The following TG variants were observed in gnomAD, a reference collection of about 807,000 sequenced individuals.
TG encodes thyroglobulin, also known as thyroid hormones.
TG carries 270 observed loss-of-function variants against 324.7 expected under a neutral mutation model. That is an observed-to-expected ratio of 0.83 (90% CI 0.75 to 0.92). The LOEUF is 0.92. TG is among the 40% of genes least tolerant of loss of function. The probability of loss-of-function intolerance (pLI) is 0.00; values close to 1 mark genes in which losing one functional copy is unlikely to be tolerated. For missense variants in TG, 3,591 were observed against 3,456.4 expected (o/e 1.04, Z -0.98); for synonymous variants, 1,401 against 1,327.0 (o/e 1.06, Z -1.21).
At chr8:133,126,212 C>T (rs1329680583) in intron 45 of TG, among the ~76,000 whole-genome samples, 1 of 152,186 alleles carries the variant, frequency 6.6e-6, no homozygotes, top group African/African-American at 2.4e-5. Context: ...TGCCTTTGAA[C>T]TTCTTGCAAA....
At chr8:132,919,119 C>T (rs1820775459) in intron 20 of TG, among the ~76,000 whole-genome samples, 1 of 152,048 alleles carries the variant, frequency 6.6e-6, no homozygotes, top group African/African-American at 2.4e-5. Context: ...TTATTTTACC[C>T]CTATTTGAAA....
At chr8:133,074,379 G>A (rs1844548046) in intron 41 of TG, among the ~76,000 whole-genome samples, 1 of 152,122 alleles carries the variant, frequency 6.6e-6, no homozygotes, top group Non-Finnish European at 1.5e-5. Context: ...CTGAGCACCT[G>A]CTGTATGCTG....
chr8:132,984,739 C>T (rs1370881977), intron 35 of TG, among the ~76,000 whole-genome samples: 5 of 151,962 alleles, frequency 3.3e-5, no homozygotes, highest in African/African-American at 9.7e-5. Flanking sequence ...ATCAGGAGTT[C>T]GAGACCAGCC....
intron 34 of TG, among the ~76,000 whole-genome samples, chr8:132,973,495 A>G (rs901280158): frequency 7.9e-5 from 12 of 152,190 alleles, no homozygotes; most frequent in African/African-American, 2.4e-4. Context: ...GTGGCATAAG[A>G]GCTCCTGGAC....
chr8:133,019,913 C>T (rs141152842), intron 39 of TG, among the ~76,000 whole-genome samples: 2 of 152,274 alleles, frequency 1.3e-5, no homozygotes, highest in East Asian at 1.9e-4. Flanking sequence ...TGACCATGGG[C>T]GTGTGCTTTT....
intron 20 of TG, among the ~76,000 whole-genome samples, chr8:132,918,438 G>T (rs1820680820): frequency 6.6e-6 from 1 of 152,114 alleles, no homozygotes; most frequent in Non-Finnish European, 1.5e-5. Flanking sequence ...TCGGAGGGAG[G>T]ATATTAATTG....
At chr8:133,117,039 G>A (rs1850754482) in intron 45 of TG, among the ~76,000 whole-genome samples, 1 of 152,188 alleles carries the variant, frequency 6.6e-6, no homozygotes, top group Non-Finnish European at 1.5e-5. Flanking sequence ...ACTAGCTTAA[G>A]ACATTGACTT....
rs1248696064 is a variant in TG at position 132,941,525 on chromosome 8, TCA to T, written c.5221_5222del (p.Gln1741GlyfsTer20). On this transcript the variant is annotated frameshift_variant, in exon 26 of 48. Coordinates refer to ENST00000220616, the MANE Select transcript of TG (RefSeq NM_003235.5). LOFTEE classifies it high-confidence loss of function. ...GATCTGTGTTGCGATGGCTTCGTCC[TCA>T]CACAGGTTCAAGGAGGTAATGTTGG... is the stretch of plus-strand genomic sequence containing the variant. 1 of 1,614,162 alleles carries T rather than the reference TCA, an allele frequency of 6.2e-7. No homozygotes were observed. Among genetic ancestry groups the T allele is most frequent in the South Asian group, 1.1e-5 (1 of 91,072 alleles).
Position 132,911,497 on chromosome 8 carries a change from A to G in TG, c.4123A>G (p.Ile1375Val). 1 of 1,614,138 alleles carries G rather than the reference A, an allele frequency of 6.2e-7. No individual in the cohort carries two copies. The highest frequency in any genetic ancestry group is 8.5e-7 in the Non-Finnish European group (1 of 1,180,014). The change falls in exon 19 of 48, where the codon ATC (isoleucine) becomes GTC (valine). Residue 1375 changes from isoleucine (I) to valine (V), a missense_variant. By Grantham distance (29) the Ile-to-Val change is conservative. Transcript: ENST00000220616. ...TACATGGAAATCACGGCTTGAGGAC[A>G]TCCCAGTGGCTTCTCTTCCTGACTT... is the stretch of plus-strand genomic sequence containing the variant. ...NVTWKSRLED[I>V]PVASLPDLHD...
intron 41 of TG, among the ~76,000 whole-genome samples, chr8:133,080,556 A>C (rs897728785): frequency 6.6e-6 from 1 of 152,040 alleles, no homozygotes; most frequent in African/African-American, 2.4e-5. Context: ...CCCTGCTGCT[A>C]TCCTCCTCAA....
Position 132,883,003 on chromosome 8 carries a change from G to C in TG, c.1075+4G>C. The C allele has an allele frequency of 6.2e-7, 1 of 1,613,478 alleles. No individual in the cohort carries two copies. Among genetic ancestry groups the C allele is most frequent in the Non-Finnish European group, 8.5e-7 (1 of 1,179,864 alleles). On this transcript the variant is annotated splice_donor_region_variant and intron_variant, in intron 8 of 47. Coordinates refer to ENST00000220616, the MANE Select transcript of TG (RefSeq NM_003235.5). ...CAAGGGGAGCCGCCATCTTGTGGTG[G>C]GTTTCCTCTGGGGGCTTCCTCTTTC...
chr8:132,947,637 C>CT (rs3076090), intron 26 of TG, among the ~76,000 whole-genome samples: 26 of 150,384 alleles, frequency 1.7e-4, no homozygotes, highest in Non-Finnish European at 2.4e-4. Context: ...ATATATTGCC[C>CT]TTTTTTTTTT....
chr8:132,947,827 A>G (rs1195839863), intron 26 of TG, among the ~76,000 whole-genome samples: 1 of 152,270 alleles, frequency 6.6e-6, no homozygotes, highest in African/African-American at 2.4e-5. Context: ...TAATATACTT[A>G]AAGACTTACC....
intron 45 of TG, among the ~76,000 whole-genome samples, chr8:133,118,532 C>G (rs1361031373): frequency 6.6e-6 from 1 of 152,064 alleles, no homozygotes; most frequent in African/African-American, 2.4e-5. Flanking sequence ...ACCATGTTGG[C>G]CAGGCTGGTC....
intron 41 of TG, among the ~76,000 whole-genome samples, chr8:133,053,239 G>A (rs1034341663): frequency 4.6e-5 from 7 of 152,126 alleles, no homozygotes; most frequent in African/African-American, 9.7e-5. Flanking sequence ...CCTCTGAAGC[G>A]GTTACCCCAG....
At position 132,886,535 on chromosome 8, in the gene TG, T is replaced by C; in HGVS notation, c.1163T>C (p.Leu388Pro). 6.2e-7 allele frequency: 1 copy of C among 1,614,218 alleles called. No homozygotes were observed. The highest frequency in any genetic ancestry group is 8.5e-7 in the Non-Finnish European group (1 of 1,180,044). The change falls in exon 9 of 48, where the codon CTG becomes CCG. Residue 388 changes from leucine (L) to proline (P), a missense_variant. By Grantham distance (98) the Leu-to-Pro change is moderately conservative. Transcript: ENST00000220616. ...GTSGYFSQHD[L>P]FSSPEKRWAS... ...TCAGGCTACTTCAGCCAGCACGACC[T>C]GTTCTCTTCCCCAGAGAAAAGATGG...
chr8:133,115,121 C>G (rs540599504), intron 44 of TG, among the ~76,000 whole-genome samples: 3 of 150,774 alleles, frequency 2.0e-5, no homozygotes, highest in Non-Finnish European at 2.9e-5. Flanking sequence ...GGCTAGAGAT[C>G]AAAAAACCTA....
intron 25 of TG, among the ~76,000 whole-genome samples, chr8:132,937,452 T>C (rs998573593): frequency 1.3e-5 from 2 of 152,108 alleles, no homozygotes; most frequent in African/African-American, 4.8e-5. Flanking sequence ...GCCTGGGAGA[T>C]TGGAATCTGG....
chr8:132,869,641 A>G (rs1839290181), intron 2 of TG, 88 bp from the exon 3 acceptor site: 4 of 1,161,784 alleles, frequency 3.4e-6, no homozygotes, highest in Non-Finnish European at 5.2e-6. Flanking sequence ...CAAGAATGGA[A>G]ATGAAGAAGA....
Sources: allele counts gnomAD v4.1 joint callset (sites outside exome capture counted in the v4.1 genomes callset), GRCh38; gene constraint gnomAD v4.1.1; transcripts MANE v1.5; gene names NCBI Gene and HGNC (gene_info 2026-07-23, HGNC 2026-07-21).